NCOA7: variants seen among roughly 807,000 people sequenced by gnomAD.
The protein encoded by NCOA7 is 140 kDa estrogen receptor-associated protein.
Under a neutral mutation model 104.3 loss-of-function variants are expected in NCOA7, and 45 were observed. The observed-to-expected ratio is 0.43, with a 90% CI of 0.34 to 0.55. The LOEUF (loss-of-function observed/expected upper bound fraction) is 0.55. Among genes scored for constraint, NCOA7 ranks in the 20% least tolerant of loss-of-function variants. NCOA7 has a pLI of 0.02. For missense variants in NCOA7, 1,041 were observed against 1,119.7 expected (o/e 0.93, Z 1.00); for synonymous variants, 398 against 402.3 (o/e 0.99, Z 0.13).
In NCOA7 at chr6:125,884,799, C is replaced by A. The variant is rs185230433; in HGVS notation, c.700-360C>A. 1.8e-4 allele frequency among the ~76,000 whole-genome samples: 28 copies of A among 152,290 alleles called. No homozygotes were observed. The East Asian group carries it at 5.2e-3, about 28-fold the overall frequency. On this transcript the variant is annotated intron_variant, in intron 7 of 15. Coordinates refer to ENST00000392477, the MANE Select transcript of NCOA7 (RefSeq NM_181782.5). ...AATTGTAAAGCCCTGTATTCTCGAT[C>A]GGGTAAGCACTTGGGCAGCCCCTCC...
At chr6:125,864,678 C>T (rs914986045) in intron 3 of NCOA7, among the ~76,000 whole-genome samples, 1 of 136,544 alleles carries the variant, frequency 7.3e-6, no homozygotes, top group Non-Finnish European at 1.5e-5. Context: ...GCGCTATCTA[C>T]GAGCCAGGAT....
chr6:125,927,801 G>T, intron 14 of NCOA7, 43 bp downstream of exon 14: 1 of 1,467,152 alleles, frequency 6.8e-7, no homozygotes, highest in Non-Finnish European at 9.6e-7. Context: ...ATGTCACAGT[G>T]TCCTCAGTTG....
upstream of NCOA7, among the ~76,000 whole-genome samples, chr6:125,788,698 A>ATTTTTTTTTTTTTTTTT (rs60048395): frequency 9.6e-4 from 117 of 121,866 alleles, no homozygotes; most frequent in East Asian, 4.0e-3. Flanking sequence ...CACCCAGCTA[A>ATTTTTTTTTTTTTTTTT]TTTTTTTTTT....
chr6:125,840,867 G>GTTTTTT (rs1305583308), intron 2 of NCOA7, among the ~76,000 whole-genome samples: 8 of 50,656 alleles, frequency 1.6e-4, no homozygotes, highest in Non-Finnish European at 2.3e-4. Flanking sequence ...TTGTTTGGTT[G>GTTTTTT]GTTTTTTTTT....
chr6:125,928,216 G>A lies in NCOA7; in HGVS notation c.2662G>A (p.Asp888Asn), dbSNP rs1260868946. Reference sequence around the variant, plus strand: ...AGAAAATTCATACTTTATCAATGGAGACATAAGTTCTTTAGAACTTGGTGG... The same window carrying A: ...AGAAAATTCATACTTTATCAATGGAAACATAAGTTCTTTAGAACTTGGTGG... ...SGENSYFING[D>N]ISSLELGGGG... Residue 888 changes from aspartate (D) to asparagine (N), a missense_variant, in exon 15 of 16, where the codon GAC becomes AAC. Physicochemically the swap from Asp to Asn is conservative, Grantham distance 23. Around this residue, in one of 2 missense-constraint regions of NCOA7, gnomAD observed 127 missense variants for 177.0 expected, o/e 0.72. Transcript: ENST00000392477. 1 of 1,612,760 alleles carries A rather than the reference G, an allele frequency of 6.2e-7. No individual in the cohort carries two copies. Among genetic ancestry groups the A allele is most frequent in the Non-Finnish European group, 8.5e-7 (1 of 1,179,792 alleles).
In NCOA7 at chr6:125,928,253, G is replaced by GT. The variant is rs775071358; in HGVS notation, c.2693+14dup. The GT allele has an allele frequency of 3.8e-5, 60 of 1,598,536 alleles. No homozygotes were observed. Among genetic ancestry groups the GT allele is most frequent in the Non-Finnish European group, 4.7e-5 (55 of 1,175,420 alleles). ...TTAGAACTTGGTGGTGGAGGGTAAG[G>GT]TTTTTTTTGTTTTTGTTTTCTTATT... On this transcript the variant is annotated splice_region_variant and intron_variant, in intron 15 of 15. Transcript: ENST00000392477.
At chr6:125,855,857 G>A (rs1287362984) in intron 3 of NCOA7, among the ~76,000 whole-genome samples, 1 of 152,012 alleles carries the variant, frequency 6.6e-6, no homozygotes, top group Non-Finnish European at 1.5e-5. Context: ...CTAATTTGTT[G>A]TACTTTTAGT....
intron 3 of NCOA7, among the ~76,000 whole-genome samples, chr6:125,862,839 C>CA (rs1341101138): frequency 2.9e-5 from 4 of 136,962 alleles, no homozygotes; most frequent in Non-Finnish European, 6.2e-5. Flanking sequence ...ACTAAACATA[C>CA]AAAAAAATTA....
intron 14 of NCOA7, 120 bp downstream of exon 14, chr6:125,927,878 G>A (rs76949168): frequency 0.061 from 52,990 of 875,000 alleles, 1,950 homozygotes; most frequent in Non-Finnish European, 0.073. Flanking sequence ...TCCGGGCTGG[G>A]TCAGCCCTTT....
intron 1 of NCOA7, chr6:125,796,737 C>T (rs1393852343): frequency 6.6e-6 from 1 of 151,748 alleles, no homozygotes; most frequent in Non-Finnish European, 1.5e-5. Flanking sequence ...TCACTGCAAC[C>T]TCCACTTCCC....
chr6:125,923,922 G>C (rs1228310590), intron 13 of NCOA7, among the ~76,000 whole-genome samples: 2 of 152,162 alleles, frequency 1.3e-5, no homozygotes, highest in Non-Finnish European at 2.9e-5. Flanking sequence ...TCTTAGCAGT[G>C]ATCTTTGTGA....
At chr6:125,794,162 C>T (rs1016034827) in intron 1 of NCOA7, among the ~76,000 whole-genome samples, 2 of 152,126 alleles carry the variant, frequency 1.3e-5, no homozygotes, top group Admixed American at 6.5e-5. Context: ...ATGTTACTTT[C>T]GAAATGTGGT....
intron 13 of NCOA7, among the ~76,000 whole-genome samples, chr6:125,924,106 T>G (rs1452441470): frequency 6.6e-6 from 1 of 152,224 alleles, no homozygotes; most frequent in East Asian, 1.9e-4. Flanking sequence ...TAAAAGAGAC[T>G]TAGGAATTTA....
chr6:125,911,773 C>A (rs986667905), intron 10 of NCOA7, among the ~76,000 whole-genome samples: 1 of 152,316 alleles, frequency 6.6e-6, no homozygotes, highest in South Asian at 2.1e-4. Context: ...CAATCAGATT[C>A]AAGTGGCTCA....
At chr6:125,871,764 G>T (rs780199589) in intron 3 of NCOA7, among the ~76,000 whole-genome samples, 37 of 152,206 alleles carry the variant, frequency 2.4e-4, no homozygotes, top group Admixed American at 3.3e-4. Flanking sequence ...GGGAGGCCAA[G>T]GCGGGCAGAT....
chr6:125,784,746 G>A (rs1774379609), intron 1 of NCOA7, among the ~76,000 whole-genome samples: 1 of 152,176 alleles, frequency 6.6e-6, no homozygotes. Context: ...AACTTGGATA[G>A]ATCTCAAGGG....
intron 10 of NCOA7, among the ~76,000 whole-genome samples, chr6:125,897,156 G>A (rs981398640): frequency 1.3e-5 from 2 of 152,204 alleles, no homozygotes; most frequent in Non-Finnish European, 2.9e-5. Context: ...AATCTATGTT[G>A]CGTGTATATA....
chr6:125,860,556 C>T (rs534379039), intron 3 of NCOA7, among the ~76,000 whole-genome samples: 5 of 152,202 alleles, frequency 3.3e-5, no homozygotes, highest in Non-Finnish European at 7.3e-5. Flanking sequence ...CCACGTTGGC[C>T]AGGCTGGTCT....
In NCOA7 at chr6:125,825,174, C is replaced by CAAAA. The variant is rs60707053; in HGVS notation, c.50+9786_50+9789dup. Reference sequence around the variant, plus strand: ...GCAACATGGTGAGACCCTGTCTCTACAAAAAAAAAAAAAAAAAAAGCCAGA... The same window carrying CAAAA: ...GCAACATGGTGAGACCCTGTCTCTACAAAAAAAAAAAAAAAAAAAAAAAGCCAGA... On this transcript the variant is annotated intron_variant, in intron 2 of 15. Transcript: ENST00000392477. 6.7e-4 allele frequency among the ~76,000 whole-genome samples: 36 copies of CAAAA among 54,072 alleles called. No individual in the cohort carries two copies. The East Asian group carries it at 0.013, about 20-fold the overall frequency. 35.5% of individuals were successfully genotyped at this position (54,072 alleles called of 152,430 possible).
Sources: allele counts gnomAD v4.1 joint callset (sites outside exome capture counted in the v4.1 genomes callset), GRCh38; gene constraint gnomAD v4.1.1; regional missense constraint gnomAD v4.1.1; transcripts MANE v1.5; gene names NCBI Gene and HGNC (gene_info 2026-07-23, HGNC 2026-07-21).